The following RANBP2 variants were observed in gnomAD, a reference collection of about 807,000 sequenced individuals.
The protein encoded by RANBP2 is RAN binding protein 2, also known as E3 SUMO-protein ligase RanBP2.
A neutral mutation model predicts 303.6 loss-of-function variants in RANBP2; 57 were observed. That is an observed-to-expected ratio of 0.19 (90% CI 0.15 to 0.23). The LOEUF (loss-of-function observed/expected upper bound fraction) is 0.23, where lower values mean the gene tolerates loss of function less well. RANBP2 is among the 10% of genes least tolerant of loss of function. The pLI is 1.00. For synonymous variants in RANBP2, 1,167 were observed against 1,301.5 expected (o/e 0.90, Z 2.23); for missense variants, 3,138 against 3,780.8 (o/e 0.83, Z 4.46).
chr2:108,811,733 C>G, the RANBP2 span, among the ~76,000 whole-genome samples: 4 of 152,028 alleles, frequency 2.6e-5, no homozygotes, highest in South Asian at 2.1e-4. Context: ...GAACATTGTA[C>G]CCAGTAGGTT....
the RANBP2 span, among the ~76,000 whole-genome samples, chr2:109,047,701 T>A: frequency 2.0e-5 from 3 of 152,170 alleles, no homozygotes; most frequent in Non-Finnish European, 4.4e-5. Context: ...TCCCAGCTAC[T>A]TGGGAGCCTG....
chr2:109,629,232 A>AAATAAATAAATAAATAAAT, the RANBP2 span, among the ~76,000 whole-genome samples: 267 of 135,750 alleles, frequency 2.0e-3, 3 homozygotes, highest in African/African-American at 6.7e-3. Flanking sequence ...ATAAATAAAT[A>AAATAAATAAATAAATAAAT]AATAAAATGC....
the RANBP2 span, among the ~76,000 whole-genome samples, chr2:108,834,690 G>A: frequency 6.6e-6 from 1 of 152,078 alleles, no homozygotes; most frequent in Non-Finnish European, 1.5e-5. Flanking sequence ...AACCATCATC[G>A]CTATCAATTT....
intron 6 of RANBP2, among the ~76,000 whole-genome samples, chr2:108,738,588 T>TA (rs1299969822): frequency 1.3e-5 from 2 of 151,788 alleles, no homozygotes; most frequent in Non-Finnish European, 2.9e-5. Context: ...TGTAATCCAT[T>TA]AAAAATGTAA....
At chr2:109,106,934 C>CTTT in the RANBP2 span, among the ~76,000 whole-genome samples, 2 of 133,768 alleles carry the variant, frequency 1.5e-5, no homozygotes, top group African/African-American at 2.8e-5. Context: ...GGGCCTTCTC[C>CTTT]TTTTTTTTTT....
chr2:109,524,444 CAAAAAA>C, the RANBP2 span, among the ~76,000 whole-genome samples: 4 of 84,436 alleles, frequency 4.7e-5, no homozygotes, highest in African/African-American at 1.3e-4. Context: ...GACCCTGTCT[CAAAAAA>C]AAAAAAAAAA....
the RANBP2 span, among the ~76,000 whole-genome samples, chr2:109,322,937 T>G: frequency 2.0e-5 from 3 of 152,300 alleles, no homozygotes; most frequent in East Asian, 5.8e-4. Context: ...AGATTGGAAT[T>G]TAGTGAGAGT....
the RANBP2 span, among the ~76,000 whole-genome samples, chr2:109,526,216 G>T: frequency 6.6e-6 from 1 of 152,270 alleles, no homozygotes; most frequent in African/African-American, 2.4e-5. Flanking sequence ...CGAGGCACAG[G>T]CTTCCTTTCT....
chr2:109,647,459 G>T, the RANBP2 span, among the ~76,000 whole-genome samples: 1 of 150,700 alleles, frequency 6.6e-6, no homozygotes, highest in Non-Finnish European at 1.5e-5. Flanking sequence ...ACCACACCCG[G>T]CCCTCTCCTC....
the RANBP2 span, among the ~76,000 whole-genome samples, chr2:108,972,036 A>G: frequency 6.6e-6 from 1 of 152,188 alleles, no homozygotes; most frequent in Non-Finnish European, 1.5e-5. Flanking sequence ...TGGGTCCTCC[A>G]GCCTGGCCTG....
At chr2:109,348,285 A>G in the RANBP2 span, among the ~76,000 whole-genome samples, 3 of 152,226 alleles carry the variant, frequency 2.0e-5, no homozygotes, top group Non-Finnish European at 4.4e-5. Flanking sequence ...ACCCAGGTGC[A>G]GCAGAATGAC....
chr2:109,389,251 C>T, the RANBP2 span, among the ~76,000 whole-genome samples: 8 of 151,834 alleles, frequency 5.3e-5, no homozygotes, highest in South Asian at 2.1e-4. Flanking sequence ...GAGGGGCAAG[C>T]GTGGGCCAGG....
the RANBP2 span, among the ~76,000 whole-genome samples, chr2:109,061,677 A>T: frequency 6.6e-6 from 1 of 152,214 alleles, no homozygotes; most frequent in Admixed American, 6.5e-5. Flanking sequence ...AGTTCATAGT[A>T]GCCTTGGATG....
chr2:109,766,997 A>G, the RANBP2 span, among the ~76,000 whole-genome samples: 2 of 141,048 alleles, frequency 1.4e-5, no homozygotes, highest in Non-Finnish European at 3.0e-5. Context: ...GCTGGCCCCA[A>G]CCTTGCTTTC....
At chr2:109,044,365 T>C in the RANBP2 span, among the ~76,000 whole-genome samples, 2 of 151,408 alleles carry the variant, frequency 1.3e-5, no homozygotes, top group Admixed American at 6.6e-5. Context: ...CTAAAAAAAA[T>C]ACAAAAAATT....
At chr2:109,080,199 G>A in the RANBP2 span, among the ~76,000 whole-genome samples, 1 of 152,300 alleles carries the variant, frequency 6.6e-6, no homozygotes, top group South Asian at 2.1e-4. Flanking sequence ...GTGAATGGGA[G>A]AAAGAGGAGC....
the RANBP2 span, among the ~76,000 whole-genome samples, chr2:109,525,531 C>T: frequency 6.6e-6 from 1 of 152,174 alleles, no homozygotes; most frequent in Non-Finnish European, 1.5e-5. Flanking sequence ...CCCGAGCTGA[C>T]GCCAACCACA....
chr2:109,667,314 T>G, the RANBP2 span: 1 of 612,152 alleles, frequency 1.6e-6, no homozygotes, highest in Non-Finnish European at 3.0e-6. Flanking sequence ...GCCAATTGAC[T>G]GCCATTTAGA....
chr2:109,341,297 C>T, the RANBP2 span, among the ~76,000 whole-genome samples: 2 of 152,242 alleles, frequency 1.3e-5, no homozygotes, highest in African/African-American at 4.8e-5. Flanking sequence ...CAAACTTCTT[C>T]ATCGCGGATT....
Sources: allele counts gnomAD v4.1 joint callset (sites outside exome capture counted in the v4.1 genomes callset), GRCh38; gene constraint gnomAD v4.1.1; transcripts MANE v1.5; gene names NCBI Gene and HGNC (gene_info 2026-07-23, HGNC 2026-07-21).